Variants in CFAP20DC observed in about 807,000 individuals in gnomAD.
CFAP20DC encodes the protein CFAP20 domain containing.
A neutral mutation model predicts 101.7 loss-of-function variants in CFAP20DC; 84 were observed. The ratio of observed to expected loss-of-function variants is 0.83; its 90% CI spans 0.69 to 0.99. CFAP20DC has a LOEUF of 0.99. Ranked by LOEUF, CFAP20DC falls within the 50% of genes least tolerant of loss-of-function variation. The pLI, the probability that CFAP20DC is intolerant of heterozygous loss-of-function variation, is 0.00. For missense variants in CFAP20DC, 1,007 were observed against 970.3 expected, an observed-to-expected ratio of 1.04 and a Z score of -0.50; for synonymous variants, 359 against 351.2, an observed-to-expected ratio of 1.02 and a Z score of -0.25.
At chr3:58,975,149 C>T (rs1441411815) in intron 4 of CFAP20DC, among the ~76,000 whole-genome samples, 1 of 152,006 alleles carries the variant, frequency 6.6e-6, no homozygotes, top group African/African-American at 2.4e-5. Flanking sequence ...TTTTTTTCAG[C>T]GGGTACACTA....
intron 4 of CFAP20DC, among the ~76,000 whole-genome samples, chr3:58,944,299 GAA>G (rs2089042583): frequency 6.6e-6 from 1 of 152,036 alleles, no homozygotes; most frequent in Non-Finnish European, 1.5e-5. Flanking sequence ...TGAAATGAAG[GAA>G]AAAATGTTAA....
chr3:58,827,397 G>A (rs756694598), intron 14 of CFAP20DC, among the ~76,000 whole-genome samples: 6 of 131,396 alleles, frequency 4.6e-5, no homozygotes, highest in Non-Finnish European at 6.4e-5. Flanking sequence ...GGCAGGAGCA[G>A]AGTGGCTCAC....
intron 4 of CFAP20DC, among the ~76,000 whole-genome samples, chr3:58,985,071 C>CGCCCACA (rs2092707180): frequency 6.6e-6 from 1 of 151,906 alleles, no homozygotes; most frequent in African/African-American, 2.4e-5. Flanking sequence ...ACTACAGGAG[C>CGCCCACA]GCCCACAATG....
intron 4 of CFAP20DC, among the ~76,000 whole-genome samples, chr3:59,005,816 T>C (rs1189061999): frequency 6.6e-6 from 1 of 152,194 alleles, no homozygotes; most frequent in Non-Finnish European, 1.5e-5. Flanking sequence ...AATTTAAGTA[T>C]TGATTACTTT....
intron 15 of CFAP20DC, among the ~76,000 whole-genome samples, chr3:58,792,398 A>G (rs1488750672): frequency 6.6e-6 from 1 of 152,172 alleles, no homozygotes; most frequent in East Asian, 1.9e-4. Context: ...AGAGAATACT[A>G]AACAACCCAA....
chr3:58,811,138 T>C (rs2074590778), intron 14 of CFAP20DC, among the ~76,000 whole-genome samples: 1 of 152,058 alleles, frequency 6.6e-6, no homozygotes, highest in Admixed American at 6.6e-5. Flanking sequence ...CCCAAGGTAA[T>C]TTATAGATGC....
chr3:58,977,940 T>C lies in CFAP20DC; in HGVS notation c.279-40178A>G, dbSNP rs562467014. Among the ~76,000 whole-genome samples, 8 of 152,124 alleles carry C rather than the reference T, an allele frequency of 5.3e-5. No individual in the cohort carries two copies. The South Asian group carries it at 8.3e-4, about 16-fold the overall frequency. On this transcript the variant is annotated intron_variant, in intron 4 of 16. Transcript: ENST00000482387. ...GATGCAAGAAGAGGAGAGGAACCTGTCACCAAAGTACAATTTTGCCTGGGG... is the reference window on the plus strand; with the variant it reads ...GATGCAAGAAGAGGAGAGGAACCTGCCACCAAAGTACAATTTTGCCTGGGG...
At chr3:58,900,043 T>A (rs1018602913) in intron 6 of CFAP20DC, among the ~76,000 whole-genome samples, 1 of 152,066 alleles carries the variant, frequency 6.6e-6, no homozygotes, top group Non-Finnish European at 1.5e-5. Context: ...TCAGGGAAAG[T>A]CCTGTGTGAT....
rs2073190354 is a variant in CFAP20DC at position 58,795,680 on chromosome 3, G to C, written c.2237+10715C>G. 6.6e-6 allele frequency among the ~76,000 whole-genome samples: 1 copy of C among 152,148 alleles called. No homozygotes were observed. The highest frequency in any genetic ancestry group is 2.1e-4 in the South Asian group (1 of 4,830). ...AATAGCGAAAGCCAAGATTCTTCAG[G>C]TATCTGTCTTTTCAGACACAGAAGC... is the stretch of plus-strand genomic sequence containing the variant. On this transcript the variant is annotated intron_variant, in intron 15 of 16. Coordinates refer to ENST00000482387, the MANE Select transcript of CFAP20DC (RefSeq NM_001394063.1). This position sits in a 1 kb window ranked among gnomAD's most constrained non-coding sequence, Gnocchi z 4.2.
chr3:58,760,349 G>A (rs1009630866), intron 15 of CFAP20DC, among the ~76,000 whole-genome samples: 1 of 152,172 alleles, frequency 6.6e-6, no homozygotes, highest in Non-Finnish European at 1.5e-5. Context: ...TGTTATTGGT[G>A]TATAAGAATG....
At position 58,859,018 on chromosome 3, in the gene CFAP20DC, A is replaced by G. The variant is rs2079047439; in HGVS notation, c.1593+4540T>C. ...TTTCATAACAACCATCCCAAGAAGT[A>G]CTTGTGCTTCTACTTGAATTTTGTA... On this transcript the variant is annotated intron_variant, in intron 12 of 16. Transcript: ENST00000482387. The surrounding 1 kb of genome is among the most constrained non-coding windows in gnomAD (Gnocchi z 4.1). 6.6e-6 allele frequency among the ~76,000 whole-genome samples: 1 copy of G among 152,236 alleles called. No individual in the cohort carries two copies.
At chr3:58,884,459 G>T in intron 7 of CFAP20DC, 86 bp downstream of exon 7, 1 of 1,260,686 alleles carries the variant, frequency 7.9e-7, no homozygotes, top group Non-Finnish European at 1.1e-6. Flanking sequence ...GAAGAATGAG[G>T]TACAGTGCCC....
chr3:58,982,595 C>G (rs2092601018), intron 4 of CFAP20DC, among the ~76,000 whole-genome samples: 1 of 150,530 alleles, frequency 6.6e-6, no homozygotes, highest in Admixed American at 6.6e-5. Context: ...TCTAAGCAAA[C>G]TATCACAAGG....
At chr3:58,783,945 C>T (rs987318003) in intron 15 of CFAP20DC, among the ~76,000 whole-genome samples, 58 of 151,940 alleles carry the variant, frequency 3.8e-4, no homozygotes, top group Admixed American at 2.8e-3. Flanking sequence ...TATGAATGAT[C>T]CCATTATGCA....
rs191849793 is a variant in CFAP20DC, at chr3:58,882,605, A to G, written c.715+1940T>C. On this transcript the variant is annotated intron_variant, in intron 7 of 16. Transcript: ENST00000482387. The surrounding 1 kb of genome is among the most constrained non-coding windows in gnomAD (Gnocchi z 4.2). Reference sequence around the variant, plus strand: ...ATTCTGTGGTACATCTTCCATTCAGATTGAATTGTGACCCAAAGTGTTTAC... The same window carrying G: ...ATTCTGTGGTACATCTTCCATTCAGGTTGAATTGTGACCCAAAGTGTTTAC... 4.6e-5 allele frequency among the ~76,000 whole-genome samples: 7 copies of G among 152,228 alleles called. No individual in the cohort carries two copies. In the East Asian group the frequency reaches 1.3e-3, roughly 29 times the overall value.
At chr3:59,032,187 G>A (rs532173816) in intron 4 of CFAP20DC, among the ~76,000 whole-genome samples, 16 of 152,192 alleles carry the variant, frequency 1.1e-4, no homozygotes, top group African/African-American at 3.4e-4. Flanking sequence ...CTTTTCCCAC[G>A]GTCTTCACAA....
At chr3:58,739,996 G>A (rs1286027036), downstream of CFAP20DC, among the ~76,000 whole-genome samples, 3 of 152,094 alleles carry the variant, frequency 2.0e-5, no homozygotes, top group Non-Finnish European at 4.4e-5. Context: ...CACAGAAGAG[G>A]GTCCTGGTGG....
At chr3:58,975,438 A>G (rs2092220902) in intron 4 of CFAP20DC, among the ~76,000 whole-genome samples, 1 of 152,234 alleles carries the variant, frequency 6.6e-6, no homozygotes, top group African/African-American at 2.4e-5. Context: ...TAGCAAAATC[A>G]TAAGACTATG....
At chr3:58,965,304 T>G (rs910524879) in intron 4 of CFAP20DC, among the ~76,000 whole-genome samples, 9 of 152,220 alleles carry the variant, frequency 5.9e-5, no homozygotes, top group Admixed American at 1.3e-4. Context: ...TTTCTTTCCA[T>G]AGGTGAAGTA....
Sources: allele counts gnomAD v4.1 joint callset (sites outside exome capture counted in the v4.1 genomes callset), GRCh38; gene constraint gnomAD v4.1.1; non-coding constraint Gnocchi (gnomAD v3.1); transcripts MANE v1.5; gene names NCBI Gene and HGNC (gene_info 2026-07-23, HGNC 2026-07-21).